RBSN: variants seen among roughly 807,000 people sequenced by gnomAD.
The protein encoded by RBSN is rabenosyn-5.
Under a neutral mutation model 60.5 loss-of-function variants are expected in RBSN, and 34 were observed. That is an observed-to-expected ratio of 0.56 (90% CI 0.43 to 0.75). The LOEUF is 0.75. Among genes scored for constraint, RBSN ranks in the 30% least tolerant of loss-of-function variants. The pLI, the probability that RBSN is intolerant of heterozygous loss-of-function variation, is 0.00. For synonymous variants in RBSN, 322 were observed against 366.9 expected, an observed-to-expected ratio of 0.88 and a Z score of 1.40; for missense variants, 845 against 986.8, an observed-to-expected ratio of 0.86 and a Z score of 1.92.
chr3:15,078,850 T>C (rs1378223450), intron 10 of RBSN, among the ~76,000 whole-genome samples: 2 of 140,944 alleles, frequency 1.4e-5, no homozygotes, highest in African/African-American at 5.3e-5. Flanking sequence ...AATATATATA[T>C]ACACATGGTT....
chr3:15,075,820 T>C (rs918357185), intron 12 of RBSN, 110 bp from the exon 13 acceptor site: 4 of 785,004 alleles, frequency 5.1e-6, no homozygotes, highest in Non-Finnish European at 8.6e-6. Context: ...TCTCAGAGAG[T>C]GACATCATTT....
rs1168739506 is a variant in RBSN at position 15,082,499 on chromosome 3, A to G, written c.708T>C (p.Ser236=). 3.7e-6 allele frequency: 6 copies of G among 1,614,092 alleles called. 1 individual carries two copies. In the Admixed American group the frequency reaches 1.0e-4, roughly 27 times the overall value. ...CCTTCTCATCCAGGACCGAGCTGAC[A>G]CTGCTCATGCTGCTGATGCTGCCTC... The part of the protein sequence containing the change: ...SRRGSISSMS[S]VSSVLDEKDD... The change falls in exon 9 of 14, where the codon AGT becomes AGC. Residue 236 remains serine, a synonymous_variant. Coordinates refer to ENST00000253699, the MANE Select transcript of RBSN (RefSeq NM_022340.4). This position sits in a 1 kb window ranked among gnomAD's most constrained non-coding sequence, Gnocchi z 4.2.
At position 15,072,638 on chromosome 3, in the gene RBSN, C is replaced by T. The variant is rs1300012841; in HGVS notation, c.*1144G>A. On this transcript the variant is annotated 3_prime_UTR_variant, in exon 14 of 14. Transcript: ENST00000253699. ...CTCTGGAGGGAGATTTCTCCAGTGA[C>T]AGACAATTGTTCTATCAGAAGAAGG... The T allele has an allele frequency of 6.6e-6, 1 of 152,172 alleles. No homozygotes were observed. The highest frequency in any genetic ancestry group is 2.4e-5 in the African/African-American group (1 of 41,438). The allele number at this position is 152,172 out of a possible 1,614,324, so 9.4% of individuals were successfully genotyped here.
chr3:15,089,481 A>C (rs554508469), intron 5 of RBSN, among the ~76,000 whole-genome samples: 24 of 145,896 alleles, frequency 1.6e-4, no homozygotes, highest in East Asian at 7.8e-4. Flanking sequence ...AAAAAAACAA[A>C]AAAAAAAAAC....
rs1575080655 is a variant in RBSN at position 15,073,035 on chromosome 3, C to T, written c.*747G>A. On this transcript the variant is annotated 3_prime_UTR_variant, in exon 14 of 14. Coordinates refer to ENST00000253699, the MANE Select transcript of RBSN (RefSeq NM_022340.4). ...GCCACCACTCTTATTTTCTAAAAAGCTCAGGACCAGATTCACATTGATACC... is the reference window on the plus strand; with the variant it reads ...GCCACCACTCTTATTTTCTAAAAAGTTCAGGACCAGATTCACATTGATACC... The T allele has an allele frequency of 6.6e-6, 1 of 152,330 alleles. No individual in the cohort carries two copies. The highest frequency in any genetic ancestry group is 1.9e-4 in the East Asian group (1 of 5,178). The allele number at this position is 152,330 out of a possible 1,614,324, so 9.4% of individuals were successfully genotyped here.
chr3:15,074,374 G>T lies in RBSN; in HGVS notation c.1763C>A (p.Thr588Asn), dbSNP rs749087372. 1 of 1,614,152 alleles carries T rather than the reference G, an allele frequency of 6.2e-7. No individual in the cohort carries two copies. Among genetic ancestry groups the T allele is most frequent in the Non-Finnish European group, 8.5e-7 (1 of 1,180,022 alleles). Residue 588 changes from threonine to asparagine, a missense_variant, in exon 14 of 14, where the codon ACC (threonine) becomes AAC (asparagine). Thr to Asn is a moderately conservative substitution (Grantham distance 65, BLOSUM62 0). Transcript: ENST00000253699. This position sits in a 1 kb window ranked among gnomAD's most constrained non-coding sequence, Gnocchi z 6.4. ...GGGTTGAGTTGAGCTAAGTGAAGGGGTCTTGGGAGCTGTGCTGCTTGGAAC... is the reference window on the plus strand; with the variant it reads ...GGGTTGAGTTGAGCTAAGTGAAGGGTTCTTGGGAGCTGTGCTGCTTGGAAC... ...SPVPSSTAPK[T>N]PSLSSTQPTR... is the part of the protein sequence containing the mutation.
Position 15,090,477 on chromosome 3 carries a change from C to T in RBSN, c.211G>A (p.Ala71Thr), listed in dbSNP as rs1471630188. ...TCATATCCTTGGGTCCCTGACTCTG[C>T]TCGATCATCCCCTTCTCGTTTCAAC... ...RLLKREGDDR[A>T]ESGTQGYESF... Residue 71 changes from alanine to threonine, a missense_variant, in exon 5 of 14, where the codon GCA becomes ACA. Physicochemically the swap from Ala to Thr is moderately conservative, Grantham distance 58. Transcript: ENST00000253699. 3.7e-6 allele frequency: 6 copies of T among 1,614,218 alleles called. No individual in the cohort carries two copies. Among genetic ancestry groups the T allele is most frequent in the Middle Eastern group, 1.6e-4 (1 of 6,062 alleles).
chr3:15,081,409 C>T (rs2043201726), intron 9 of RBSN: 1 of 152,550 alleles, frequency 6.6e-6, no homozygotes, highest in Non-Finnish European at 1.5e-5. Flanking sequence ...GGGAAACCAG[C>T]ACAAGGCATT....
intron 9 of RBSN, chr3:15,081,618 C>T (rs537398612): frequency 1.4e-4 from 21 of 152,484 alleles, no homozygotes; most frequent in African/African-American, 4.1e-4. Context: ...ACCTGCAGAA[C>T]TACTAACAAT....
At chr3:15,089,498 G>T (rs576416548) in intron 5 of RBSN, among the ~76,000 whole-genome samples, 1 of 137,260 alleles carries the variant, frequency 7.3e-6, no homozygotes, top group African/African-American at 2.7e-5. Flanking sequence ...AAACAGATAT[G>T]TAAGATTAGA....
chr3:15,094,730 A>C (rs1295028552), intron 4 of RBSN, among the ~76,000 whole-genome samples: 1 of 152,202 alleles, frequency 6.6e-6, no homozygotes, highest in Non-Finnish European at 1.5e-5. Flanking sequence ...TAGAAGTTAT[A>C]ACTGTTTATG....
At chr3:15,079,889 A>C (rs2043160098) in intron 10 of RBSN, among the ~76,000 whole-genome samples, 1 of 152,204 alleles carries the variant, frequency 6.6e-6, no homozygotes. Context: ...AAAAACCACC[A>C]AACTGTACAC....
At chr3:15,092,784 G>C (rs1013142637) in intron 4 of RBSN, among the ~76,000 whole-genome samples, 8 of 152,184 alleles carry the variant, frequency 5.3e-5, no homozygotes, top group Non-Finnish European at 1.0e-4. Context: ...AAACAGGAAT[G>C]TGAGTTAGCA....
At chr3:15,081,234 C>T (rs2125163907) in intron 9 of RBSN, 3 of 157,646 alleles carry the variant, frequency 1.9e-5, no homozygotes, top group Non-Finnish European at 4.2e-5. Flanking sequence ...AGGCTGGTCT[C>T]GAACTCCTGG....
rs375709820 is a variant in RBSN at position 15,074,126 on chromosome 3, C to A, written c.2011G>T (p.Glu671Ter). 9.3e-6 allele frequency: 15 copies of A among 1,614,152 alleles called. No individual in the cohort carries two copies. The highest frequency in any genetic ancestry group is 1.2e-5 in the Non-Finnish European group (14 of 1,180,022). Residue 671 changes from glutamate to a stop codon, truncating the protein, a stop_gained, in exon 14 of 14, where the codon GAG becomes TAG. Coordinates refer to ENST00000253699, the MANE Select transcript of RBSN (RefSeq NM_022340.4). LOFTEE classifies it high-confidence loss of function. This position sits in a 1 kb window ranked among gnomAD's most constrained non-coding sequence, Gnocchi z 6.4. ...YNPFEEEDEE[E>*]EAVAGNPFIQ... ...AATGGATTCCCTGCCACTGCTTCCT[C>A]CTCCTCGTCCTCTTCCTCGAAAGGA...
intron 12 of RBSN, among the ~76,000 whole-genome samples, chr3:15,076,483 GA>G (rs1034757414): frequency 6.6e-6 from 1 of 151,550 alleles, no homozygotes; most frequent in African/African-American, 2.4e-5. Flanking sequence ...TAAAAAAAAA[GA>G]AAAAAACAGA....
rs751865377 is a variant in RBSN at position 15,084,944 on chromosome 3, C to A, written c.437-48G>T. The A allele has an allele frequency of 8.1e-6, 13 of 1,613,704 alleles. No homozygotes were observed. Among genetic ancestry groups the A allele is most frequent in the Middle Eastern group, 1.7e-4 (1 of 6,058 alleles). Reference sequence around the variant, plus strand: ...AGAAAGCAGGCCATTTTAAAGAGAGCTTTGGTCAGGGAAAAAAAGATAATA... The same window carrying A: ...AGAAAGCAGGCCATTTTAAAGAGAGATTTGGTCAGGGAAAAAAAGATAATA... On this transcript the variant is annotated intron_variant, in intron 7 of 13. Coordinates refer to ENST00000253699, the MANE Select transcript of RBSN (RefSeq NM_022340.4). This position sits in a 1 kb window ranked among gnomAD's most constrained non-coding sequence, Gnocchi z 4.2.
intron 5 of RBSN, among the ~76,000 whole-genome samples, chr3:15,089,907 C>G (rs2043463422): frequency 6.6e-6 from 1 of 152,042 alleles, no homozygotes; most frequent in Non-Finnish European, 1.5e-5. Flanking sequence ...TTAGGATTTT[C>G]AGAGTTGTAC....
intron 9 of RBSN, among the ~76,000 whole-genome samples, chr3:15,081,825 C>T (rs2043212132): frequency 1.3e-5 from 2 of 152,220 alleles, no homozygotes; most frequent in African/African-American, 4.8e-5. Flanking sequence ...CCCAGATATT[C>T]TTTGCACACT....
Sources: allele counts gnomAD v4.1 joint callset (sites outside exome capture counted in the v4.1 genomes callset), GRCh38; gene constraint gnomAD v4.1.1; non-coding constraint Gnocchi (gnomAD v3.1); transcripts MANE v1.5; gene names NCBI Gene and HGNC (gene_info 2026-07-23, HGNC 2026-07-21).